The following KANSL1 variants were observed in gnomAD, a reference collection of about 807,000 sequenced individuals.
The protein encoded by KANSL1 is KAT8 regulatory NSL complex subunit 1.
In KANSL1, 22 loss-of-function variants were observed where a neutral mutation model predicts 103.6. The observed-to-expected ratio is 0.21, with a 90% confidence interval of 0.15 to 0.30. The LOEUF is 0.30. KANSL1 is among the 10% of genes least tolerant of loss of function. KANSL1 has a pLI of 1.00. For missense variants in KANSL1, 1,337 were observed against 1,399.8 expected, an observed-to-expected ratio of 0.96 and a Z score of 0.72; for synonymous variants, 600 against 527.6, an observed-to-expected ratio of 1.14 and a Z score of -1.88.
chr17:46,082,437 T>C lies in KANSL1; in HGVS notation c.1533+4A>G. The C allele has an allele frequency of 6.3e-7, 1 of 1,583,416 alleles. No homozygotes were observed. The highest frequency in any genetic ancestry group is 8.7e-7 in the Non-Finnish European group (1 of 1,152,380). On this transcript the variant is annotated splice_donor_region_variant and intron_variant, in intron 4 of 14. Coordinates refer to ENST00000432791, the MANE Select transcript of KANSL1 (RefSeq NM_015443.4). ...ATTTCCCCCTTTCTATCTTTTATAC[T>C]TACCAATTTATCAGTCCCATGATCT...
At chr17:46,215,654 G>T (rs2668692) in intron 1 of KANSL1, among the ~76,000 whole-genome samples, 25 of 152,102 alleles carry the variant, frequency 1.6e-4, no homozygotes, top group Non-Finnish European at 3.4e-4. Context: ...TCAAATCCCT[G>T]ATTTGAGTGA....
intron 7 of KANSL1, chr17:46,041,619 C>T (rs1444176153): frequency 6.6e-6 from 1 of 152,112 alleles, no homozygotes; most frequent in African/African-American, 2.4e-5. Flanking sequence ...GAAAATCTAA[C>T]CTAGCTATTC....
intron 2 of KANSL1, among the ~76,000 whole-genome samples, chr17:46,160,764 AT>A (rs67778803): frequency 0.14 from 21,961 of 152,202 alleles, 2,140 homozygotes; most frequent in Non-Finnish European, 0.22. Flanking sequence ...CATAAATGCC[AT>A]TATTTTACAT....
chr17:46,076,161 G>A (rs1459532374), intron 4 of KANSL1, among the ~76,000 whole-genome samples: 1 of 152,114 alleles, frequency 6.6e-6, no homozygotes, highest in African/African-American at 2.4e-5. Context: ...AGTAGGAGGA[G>A]AGTGTGACTC....
At chr17:46,208,776 C>T (rs1312495935) in intron 1 of KANSL1, among the ~76,000 whole-genome samples, 1 of 151,416 alleles carries the variant, frequency 6.6e-6, no homozygotes, top group Non-Finnish European at 1.5e-5. Flanking sequence ...GGTGCAGGAA[C>T]CTGGAGGCGG....
intron 2 of KANSL1, chr17:46,153,053 T>C (rs1329824492): frequency 6.6e-6 from 1 of 152,258 alleles, no homozygotes; most frequent in East Asian, 1.9e-4. Flanking sequence ...TCTAAAGGGC[T>C]TAGGGAAGAC....
intron 2 of KANSL1, among the ~76,000 whole-genome samples, chr17:46,112,715 G>A (rs1240767782): frequency 7.6e-6 from 1 of 131,820 alleles, no homozygotes; most frequent in Non-Finnish European, 1.8e-5. Context: ...CAAAAAACTG[G>A]GCAGATAAAT....
At chr17:46,050,420 A>T (rs1211935910) in intron 7 of KANSL1, 113 bp downstream of exon 7, 15 of 1,116,484 alleles carry the variant, frequency 1.3e-5, no homozygotes, top group African/African-American at 1.6e-5. Context: ...TTGGTTGACG[A>T]AAGTTGTACC....
At chr17:46,062,134 A>AAAAAAAAAAC (rs67483415) in intron 6 of KANSL1, among the ~76,000 whole-genome samples, 3 of 132,750 alleles carry the variant, frequency 2.3e-5, no homozygotes, top group South Asian at 2.9e-4. Flanking sequence ...AAAAAAAAAA[A>AAAAAAAAAAC]CATGTTACAG....
intron 1 of KANSL1, among the ~76,000 whole-genome samples, chr17:46,187,177 G>GA (rs1398203118): frequency 9.9e-5 from 15 of 152,248 alleles, no homozygotes; most frequent in African/African-American, 3.6e-4. Context: ...GCAGCAAGAG[G>GA]AAAGTCTAGA....
chr17:46,216,684 CTTT>C (rs1243548978), intron 1 of KANSL1, among the ~76,000 whole-genome samples: 5 of 151,980 alleles, frequency 3.3e-5, no homozygotes, highest in Non-Finnish European at 7.4e-5. Context: ...TAATCTACTT[CTTT>C]AAGTCATGCT....
At chr17:46,165,256 G>A (rs1374690315) in intron 2 of KANSL1, among the ~76,000 whole-genome samples, 1 of 150,848 alleles carries the variant, frequency 6.6e-6, no homozygotes, top group East Asian at 1.9e-4. Context: ...TATTTGAAAT[G>A]GAGTCTCGCT....
intron 6 of KANSL1, among the ~76,000 whole-genome samples, chr17:46,054,654 C>T (rs549214891): frequency 1.4e-4 from 21 of 152,196 alleles, no homozygotes; most frequent in African/African-American, 4.8e-4. Context: ...TCGCCTCTAT[C>T]CCCTCTCTCT....
intron 2 of KANSL1, among the ~76,000 whole-genome samples, chr17:46,109,760 A>G (rs2042724325): frequency 6.6e-6 from 1 of 152,268 alleles, no homozygotes; most frequent in Non-Finnish European, 1.5e-5. Flanking sequence ...TGCTGCTCTT[A>G]CAAGCTTCTG....
intron 10 of KANSL1, among the ~76,000 whole-genome samples, chr17:46,036,330 T>C (rs2077147761): frequency 6.6e-6 from 1 of 152,230 alleles, no homozygotes; most frequent in East Asian, 1.9e-4. Flanking sequence ...CTCCCTACCT[T>C]TCTCCAGTGT....
At chr17:46,088,138 C>T (rs1317151048) in intron 3 of KANSL1, among the ~76,000 whole-genome samples, 4 of 152,246 alleles carry the variant, frequency 2.6e-5, no homozygotes, top group Non-Finnish European at 4.4e-5. Context: ...CAAGCTTCTG[C>T]TTTACACAAG....
At chr17:46,101,469 C>T (rs993592552) in intron 2 of KANSL1, among the ~76,000 whole-genome samples, 2 of 152,036 alleles carry the variant, frequency 1.3e-5, no homozygotes, top group Non-Finnish European at 2.9e-5. Flanking sequence ...ACAATTTAGT[C>T]AGCTGGGCAC....
chr17:46,123,958 G>A (rs2043398890), intron 2 of KANSL1, among the ~76,000 whole-genome samples: 1 of 152,104 alleles, frequency 6.6e-6, no homozygotes, highest in African/African-American at 2.4e-5. Flanking sequence ...AGAGTAGAAA[G>A]GAGAAATCCT....
chr17:46,097,532 A>AT, intron 2 of KANSL1, among the ~76,000 whole-genome samples: 1 of 152,254 alleles, frequency 6.6e-6, no homozygotes. Context: ...GAGAAGTTGG[A>AT]TTTTAGCTCT....
Sources: gnomAD v4.1 joint callset for allele counts (sites outside exome capture counted in the v4.1 genomes callset) on GRCh38, gnomAD v4.1.1 for gene constraint, MANE v1.5 for transcripts, NCBI Gene and HGNC (gene_info 2026-07-23, HGNC 2026-07-21) for gene names.